Variants in ATP6V0D2 observed in about 807,000 individuals in gnomAD.
ATP6V0D2 encodes the protein ATPase H+ transporting V0 subunit d2.
In ATP6V0D2, 40 loss-of-function variants were observed where a neutral mutation model predicts 40.0. The ratio of observed to expected loss-of-function variants is 1.00; its 90% CI spans 0.78 to 1.30. The LOEUF is 1.30. Ranked by LOEUF, ATP6V0D2 falls within the 50% of genes most tolerant of loss-of-function variation. The pLI, the probability that ATP6V0D2 is intolerant of heterozygous loss-of-function variation, is 0.00. For synonymous variants in ATP6V0D2, 179 were observed against 156.3 expected, an observed-to-expected ratio of 1.15 and a Z score of -1.08; for missense variants, 470 against 423.1, an observed-to-expected ratio of 1.11 and a Z score of -0.97.
chr8:86,113,615 G>T, intron 1 of ATP6V0D2, 94 bp from the exon 2 acceptor site: 1 of 1,107,644 alleles, frequency 9.0e-7, no homozygotes. Flanking sequence ...ACATATGTAT[G>T]TAACACAAAA....
chr8:86,140,580 G>A (rs2130273337), intron 3 of ATP6V0D2, among the ~76,000 whole-genome samples: 1 of 152,200 alleles, frequency 6.6e-6, no homozygotes, highest in South Asian at 2.1e-4. Flanking sequence ...ACATACTAAA[G>A]TTGCAAATAA....
chr8:86,146,756 G>A (rs1819074930), intron 5 of ATP6V0D2, among the ~76,000 whole-genome samples: 1 of 152,102 alleles, frequency 6.6e-6, no homozygotes, highest in Admixed American at 6.5e-5. Context: ...GCTACACAGG[G>A]CATGAGGTTA....
chr8:86,133,820 C>A (rs1481035331), intron 2 of ATP6V0D2, among the ~76,000 whole-genome samples: 1 of 151,970 alleles, frequency 6.6e-6, no homozygotes, highest in Admixed American at 6.6e-5. Context: ...CTCTTTTTAG[C>A]CTTGGTGTCA....
At chr8:86,130,757 T>G (rs1818813094) in intron 2 of ATP6V0D2, among the ~76,000 whole-genome samples, 1 of 152,066 alleles carries the variant, frequency 6.6e-6, no homozygotes, top group African/African-American at 2.4e-5. Flanking sequence ...CTGCTGCTAC[T>G]TGAAAGGAAG....
intron 1 of ATP6V0D2, among the ~76,000 whole-genome samples, chr8:86,108,397 C>T (rs529736509): frequency 6.6e-6 from 1 of 152,310 alleles, no homozygotes; most frequent in South Asian, 2.1e-4. Context: ...CCACCTTGGC[C>T]TCCCAAACCC....
intron 2 of ATP6V0D2, among the ~76,000 whole-genome samples, chr8:86,124,929 G>A (rs1378006616): frequency 6.6e-6 from 1 of 152,134 alleles, no homozygotes; most frequent in Non-Finnish European, 1.5e-5. Context: ...AAAAAATGTA[G>A]CTAATTTTAT....
chr8:86,148,647 C>G (rs1332592525), intron 5 of ATP6V0D2, among the ~76,000 whole-genome samples: 1 of 152,076 alleles, frequency 6.6e-6, no homozygotes, highest in South Asian at 2.1e-4. Flanking sequence ...TCTACTGAGC[C>G]ATAAAATATT....
At chr8:86,103,835 G>T (rs1047917022) in intron 1 of ATP6V0D2, among the ~76,000 whole-genome samples, 1 of 151,916 alleles carries the variant, frequency 6.6e-6, no homozygotes, top group Non-Finnish European at 1.5e-5. Flanking sequence ...GTTTTTTGTT[G>T]TTGTTTTTGA....
chr8:86,117,739 G>A (rs1818609225), intron 2 of ATP6V0D2, among the ~76,000 whole-genome samples: 2 of 152,194 alleles, frequency 1.3e-5, no homozygotes, highest in South Asian at 4.1e-4. Flanking sequence ...AAGGGCTGAT[G>A]TTACTGAGCC....
At chr8:86,147,974 CT>C (rs368915659) in intron 5 of ATP6V0D2, among the ~76,000 whole-genome samples, 29 of 152,302 alleles carry the variant, frequency 1.9e-4, no homozygotes, top group African/African-American at 6.7e-4. Flanking sequence ...TCTCCAATTG[CT>C]TTCCCAATGA....
intron 1 of ATP6V0D2, 34 bp downstream of exon 1, chr8:86,099,142 A>AAG: frequency 6.4e-7 from 1 of 1,556,842 alleles, no homozygotes; most frequent in Non-Finnish European, 8.6e-7. Context: ...TTAAAAAGAA[A>AAG]AAAAAAAAAA....
At chr8:86,133,103 G>A (rs1034462318) in intron 2 of ATP6V0D2, among the ~76,000 whole-genome samples, 5 of 152,064 alleles carry the variant, frequency 3.3e-5, no homozygotes, top group African/African-American at 9.7e-5. Context: ...ATAGAGAGAA[G>A]AAGACTGATT....
intron 2 of ATP6V0D2, among the ~76,000 whole-genome samples, chr8:86,115,956 CA>C (rs533501725): frequency 1.8e-3 from 271 of 152,192 alleles, no homozygotes; most frequent in African/African-American, 6.3e-3. Context: ...AAAACCAATG[CA>C]AATTTCCTAT....
At chr8:86,105,351 G>GATCT (rs1818455482) in intron 1 of ATP6V0D2, among the ~76,000 whole-genome samples, 1 of 152,064 alleles carries the variant, frequency 6.6e-6, no homozygotes, top group African/African-American at 2.4e-5. Context: ...AGGCTGGAGT[G>GATCT]CAGTGGCATG....
chr8:86,106,802 T>G (rs1454779984), intron 1 of ATP6V0D2, among the ~76,000 whole-genome samples: 1 of 152,196 alleles, frequency 6.6e-6, no homozygotes, highest in East Asian at 1.9e-4. Context: ...TACATGGATC[T>G]TAAGTTTTAA....
Position 86,152,835 on chromosome 8 carries a change from C to T in ATP6V0D2, c.911C>T (p.Ala304Val). The T allele has an allele frequency of 6.3e-7, 1 of 1,594,498 alleles. No homozygotes were observed. Among genetic ancestry groups the T allele is most frequent in the Non-Finnish European group, 8.5e-7 (1 of 1,174,128 alleles). ...CCTCAGGTACAAATGAATGTGCTGG[C>T]ATTCAACAGACAGTTCCACTACGGT... ...YEREVQMNVL[A>V]FNRQFHYGVF... Residue 304 changes from alanine (A) to valine (V), a missense_variant, in exon 8 of 8, where the codon GCA becomes GTA. Physicochemically the swap from Ala to Val is moderately conservative, Grantham distance 64. Coordinates refer to ENST00000285393, the MANE Select transcript of ATP6V0D2 (RefSeq NM_152565.1).
chr8:86,153,180 CCA>C lies in ATP6V0D2; in HGVS notation c.*206_*207del, dbSNP rs869205234. On this transcript the variant is annotated 3_prime_UTR_variant, in exon 8 of 8. Transcript: ENST00000285393. ...TTTTCAGTGGTATTAGATCTTGTTT[CCA>C]CATGTCTGTCTCATTCTTCACTGGG... 5 of 392,148 alleles carry C rather than the reference CCA, an allele frequency of 1.3e-5. No individual in the cohort carries two copies. Among genetic ancestry groups the C allele is most frequent in the Non-Finnish European group, 2.2e-5 (5 of 227,056 alleles). The allele number at this position is 392,148 out of a possible 1,614,324, so 24.3% of individuals were successfully genotyped here.
intron 2 of ATP6V0D2, among the ~76,000 whole-genome samples, chr8:86,131,809 A>G (rs1818828667): frequency 6.6e-6 from 1 of 152,128 alleles, no homozygotes; most frequent in South Asian, 2.1e-4. Flanking sequence ...CCTTATGTCC[A>G]TTTAAAAACA....
intron 7 of ATP6V0D2, 147 bp from the exon 8 acceptor site, chr8:86,152,669 C>G (rs901878560): frequency 1.6e-5 from 10 of 614,046 alleles, no homozygotes; most frequent in Non-Finnish European, 2.6e-5. Context: ...TGAGTTGTCA[C>G]CATACTCCTC....
Sources: gnomAD v4.1 joint callset for allele counts (sites outside exome capture counted in the v4.1 genomes callset) on GRCh38, gnomAD v4.1.1 for gene constraint, MANE v1.5 for transcripts, NCBI Gene and HGNC (gene_info 2026-07-23, HGNC 2026-07-21) for gene names.